SDR42E1: variants seen among roughly 807,000 people sequenced by gnomAD.
The protein encoded by SDR42E1 is short-chain dehydrogenase/reductase family 42E member 1.
A neutral mutation model predicts 2.6 loss-of-function variants in SDR42E1; 5 were observed. That is an observed-to-expected ratio of 1.94 (90% CI 1.01 to 4.08). SDR42E1 has a LOEUF of 4.08. Ranked by LOEUF, SDR42E1 falls within the 30% of genes most tolerant of loss-of-function variation. The probability of loss-of-function intolerance (pLI) is 0.00; values close to 1 mark genes in which losing one functional copy is unlikely to be tolerated. For missense variants in SDR42E1, 596 were observed against 478.6 expected (o/e 1.25, Z -2.29); for synonymous variants, 231 against 188.3 (o/e 1.23, Z -1.86).
At chr16:82,003,970 G>A (rs1395113964) in intron 1 of SDR42E1, among the ~76,000 whole-genome samples, 6 of 152,270 alleles carry the variant, frequency 3.9e-5, no homozygotes, top group African/African-American at 1.4e-4. Flanking sequence ...GTGTCTAAGA[G>A]CTGCTGTTCT....
At chr16:82,009,254 A>C (rs774299394) in intron 1 of SDR42E1, among the ~76,000 whole-genome samples, 3 of 152,238 alleles carry the variant, frequency 2.0e-5, no homozygotes, top group African/African-American at 2.4e-5. Context: ...CCACTGGGAC[A>C]CTGCCTAGTG....
Position 81,998,239 on chromosome 16 carries a change from C to A in SDR42E1, c.*872G>T, listed in dbSNP as rs954078384. The A allele has an allele frequency of 2.6e-5, 4 of 152,190 alleles. No individual in the cohort carries two copies. Among genetic ancestry groups the A allele is most frequent in the African/African-American group, 4.8e-5 (2 of 41,442 alleles). 9.4% of individuals were successfully genotyped at this position (152,190 alleles called of 1,614,324 possible). A position where few individuals can be genotyped will look rare whatever the true frequency, so the allele number is the denominator to read the frequency against. ...AAAAATGGCATCAGCTTGATTGACTCCCTTAATCATCAGATTTTTAGTTGC... is the reference window on the plus strand; with the variant it reads ...AAAAATGGCATCAGCTTGATTGACTACCTTAATCATCAGATTTTTAGTTGC... On this transcript the variant is annotated 3_prime_UTR_variant, in exon 3 of 3. Coordinates refer to ENST00000328945, the MANE Select transcript of SDR42E1 (RefSeq NM_145168.3).
chr16:81,999,386 G>A lies in SDR42E1; in HGVS notation c.907C>T (p.Arg303Ter), dbSNP rs750274603. The A allele has an allele frequency of 6.2e-6, 10 of 1,614,170 alleles. No individual in the cohort carries two copies. The highest frequency in any genetic ancestry group is 1.6e-4 in the Middle Eastern group (1 of 6,062). ...LTEMVHFILG[R>*]LYNFQPFLTR... ...AGGAAGGGCTGGAAGTTGTAGAGTC[G>A]ACCCAAAATGAAGTGAACCATCTCT... Residue 303 changes from arginine (R) to a stop codon, truncating the protein, a stop_gained, in exon 3 of 3, where the codon CGA becomes TGA. Transcript: ENST00000328945. LOFTEE classifies it low-confidence loss of function (END_TRUNC).
Position 81,999,180 on chromosome 16 carries a change from C to T in SDR42E1, c.1113G>A (p.Gly371=), listed in dbSNP as rs1451852091. 10 of 1,614,198 alleles carry T rather than the reference C, an allele frequency of 6.2e-6. No homozygotes were observed. The highest frequency in any genetic ancestry group is 8.5e-6 in the Non-Finnish European group (10 of 1,180,036). ...SRDSECFVWD[G]LLVFLLIIAV... is the part of the protein sequence containing the mutation. ...CTATAATCAGGAGGAAGACCAATAG[C>T]CCATCCCAAACAAAACACTCCGAGT... The change falls in exon 3 of 3, where the codon GGG becomes GGA. Residue 371 remains glycine, a synonymous_variant. Transcript: ENST00000328945.
chr16:81,989,645 T>A lies in SDR42E1; in HGVS notation c.*9466A>T, dbSNP rs553834473. 3 of 152,326 alleles carry A rather than the reference T, an allele frequency of 2.0e-5. No homozygotes were observed. In the East Asian group the frequency reaches 5.8e-4, roughly 29 times the overall value. 9.4% of individuals were successfully genotyped at this position (152,326 alleles called of 1,614,324 possible). A position where few individuals can be genotyped will look rare whatever the true frequency, so the allele number is the denominator to read the frequency against. ...CTACTTGTTCTCTAGCATGGTGTAA[T>A]TGACTCTGCAATCTCAAGAAAAGAA... is the stretch of plus-strand genomic sequence containing the variant. On this transcript the variant is annotated 3_prime_UTR_variant, in exon 3 of 3. Transcript: ENST00000328945.
In SDR42E1 at chr16:81,997,586, C is replaced by G. The variant is rs1912571982; in HGVS notation, c.*1525G>C. ...CGTTAACCCCAGGCTAATGCAAAAG[C>G]TTCTTTATGACAGAAAAGACTCCAA... is the stretch of plus-strand genomic sequence containing the variant. On this transcript the variant is annotated 3_prime_UTR_variant, in exon 3 of 3. Coordinates refer to ENST00000328945, the MANE Select transcript of SDR42E1 (RefSeq NM_145168.3). 2 of 152,198 alleles carry G rather than the reference C, an allele frequency of 1.3e-5. No homozygotes were observed. Among genetic ancestry groups the G allele is most frequent in the South Asian group, 4.1e-4 (2 of 4,832 alleles). 9.4% of individuals were successfully genotyped at this position (152,198 alleles called of 1,614,324 possible). A position where few individuals can be genotyped will look rare whatever the true frequency, so the allele number is the denominator to read the frequency against.
Position 81,999,543 on chromosome 16 carries a change from C to T in SDR42E1, c.750G>A (p.Gln250=), listed in dbSNP as rs572262577. The part of the protein sequence containing the change: ...RADKGHIASG[Q]PYFISDGRPV... ...GTCTGCCATCTGAGATGAAGTAGGG[C>T]TGCCCAGAGGCAATATGGCCCTTGT... The change falls in exon 3 of 3, where the codon CAG becomes CAA. Residue 250 remains glutamine, a synonymous_variant. Coordinates refer to ENST00000328945, the MANE Select transcript of SDR42E1 (RefSeq NM_145168.3). 4.3e-5 allele frequency: 70 copies of T among 1,614,162 alleles called. No individual in the cohort carries two copies. In the East Asian group the frequency reaches 1.4e-3, roughly 33 times the overall value.
chr16:81,991,737 G>C lies in SDR42E1; in HGVS notation c.*7374C>G, dbSNP rs1912433255. On this transcript the variant is annotated 3_prime_UTR_variant, in exon 3 of 3. Coordinates refer to ENST00000328945, the MANE Select transcript of SDR42E1 (RefSeq NM_145168.3). ...AAAAAAAAAAAAAAATTTGGTCTTG[G>C]ATTCAAGTAAACCTGGCTCAAATTT... is the stretch of plus-strand genomic sequence containing the variant. 6.6e-6 allele frequency: 1 copy of C among 151,634 alleles called. No individual in the cohort carries two copies. The highest frequency in any genetic ancestry group is 6.6e-5 in the Admixed American group (1 of 15,208). The allele number at this position is 151,634 out of a possible 1,614,324, so 9.4% of individuals were successfully genotyped here.
intron 1 of SDR42E1, among the ~76,000 whole-genome samples, chr16:82,008,987 G>A (rs772594675): frequency 1.2e-4 from 18 of 152,170 alleles, no homozygotes; most frequent in Non-Finnish European, 2.4e-4. Context: ...TGGCTAAAAC[G>A]GGCCAAGGTA....
chr16:82,006,188 AT>A (rs1190773375), intron 1 of SDR42E1, among the ~76,000 whole-genome samples: 1 of 151,908 alleles, frequency 6.6e-6, no homozygotes, highest in Non-Finnish European at 1.5e-5. Context: ...TACCATAAAA[AT>A]AAAAAAACTG....
At chr16:82,001,881 G>A (rs1187156647) in intron 1 of SDR42E1, among the ~76,000 whole-genome samples, 2 of 140,414 alleles carry the variant, frequency 1.4e-5, no homozygotes, top group East Asian at 2.1e-4. Flanking sequence ...TAGCCTGGGC[G>A]ACAGAGCAAG....
At position 81,993,209 on chromosome 16, in the gene SDR42E1, T is replaced by C. The variant is rs1170842564; in HGVS notation, c.*5902A>G. The C allele has an allele frequency of 6.6e-6, 1 of 152,128 alleles. No individual in the cohort carries two copies. Among genetic ancestry groups the C allele is most frequent in the African/African-American group, 2.4e-5 (1 of 41,418 alleles). The allele number at this position is 152,128 out of a possible 1,614,324, so 9.4% of individuals were successfully genotyped here. The stretch of plus-strand genomic sequence containing the variant: ...GCAAAGTTGTACTGAGCACCTGCTG[T>C]AGCAAAGCACTGCAAAGGGAAGAGC... On this transcript the variant is annotated 3_prime_UTR_variant, in exon 3 of 3. Transcript: ENST00000328945.
chr16:82,001,677 C>T (rs1275713094), intron 1 of SDR42E1, among the ~76,000 whole-genome samples: 1 of 151,906 alleles, frequency 6.6e-6, no homozygotes, highest in Non-Finnish European at 1.5e-5. Context: ...CCGAGGCAGG[C>T]GGATCATGAG....
Position 81,995,394 on chromosome 16 carries a change from G to A in SDR42E1, c.*3717C>T, listed in dbSNP as rs1242812693. The A allele has an allele frequency of 6.6e-6, 1 of 152,234 alleles. No homozygotes were observed. Among genetic ancestry groups the A allele is most frequent in the Non-Finnish European group, 1.5e-5 (1 of 68,052 alleles). 9.4% of individuals were successfully genotyped at this position (152,234 alleles called of 1,614,324 possible). A position where few individuals can be genotyped will look rare whatever the true frequency, so the allele number is the denominator to read the frequency against. On this transcript the variant is annotated 3_prime_UTR_variant, in exon 3 of 3. Coordinates refer to ENST00000328945, the MANE Select transcript of SDR42E1 (RefSeq NM_145168.3). ...GAATTTCTTAACTGCAGCGTCTCCT[G>A]ACCATAGAAAGGAAGGGGAGCTCCC... is the stretch of plus-strand genomic sequence containing the variant.
chr16:82,007,157 G>A (rs1363306565), intron 1 of SDR42E1, among the ~76,000 whole-genome samples: 5 of 152,226 alleles, frequency 3.3e-5, no homozygotes, highest in Non-Finnish European at 5.9e-5. Context: ...TAGGGACAAG[G>A]AATATCTAGC....
At chr16:82,001,846 G>C (rs958713436) in intron 1 of SDR42E1, among the ~76,000 whole-genome samples, 1 of 149,764 alleles carries the variant, frequency 6.7e-6, no homozygotes. Context: ...AGCTGGCAAT[G>C]AGCGAAGATC....
rs185929439 is a variant in SDR42E1 at position 81,994,858 on chromosome 16, G to A, written c.*4253C>T. 6.6e-6 allele frequency: 1 copy of A among 152,210 alleles called. No individual in the cohort carries two copies. The highest frequency in any genetic ancestry group is 1.5e-5 in the Non-Finnish European group (1 of 68,030). 9.4% of individuals were successfully genotyped at this position (152,210 alleles called of 1,614,324 possible). A position where few individuals can be genotyped will look rare whatever the true frequency, so the allele number is the denominator to read the frequency against. On this transcript the variant is annotated 3_prime_UTR_variant, in exon 3 of 3. Transcript: ENST00000328945. ...CTTGCCTCTTTTATACACCATGTTA[G>A]ATGGTTGAGGAAAATAAAACATTTT...
chr16:82,000,167 G>T lies in SDR42E1; in HGVS notation c.126C>A (p.Ser42Arg), dbSNP rs777088226. ...TTCCTTCTGGAATGGTTTGAGCAGG[G>T]CTGCTGATGTCAAACAGAATCACAT... ...GVHVILFDIS[S>R]PAQTIPEGIK... Residue 42 changes from serine to arginine, a missense_variant, in exon 3 of 3, where the codon AGC becomes AGA. Coordinates refer to ENST00000328945, the MANE Select transcript of SDR42E1 (RefSeq NM_145168.3). 7 of 1,612,566 alleles carry T rather than the reference G, an allele frequency of 4.3e-6. No homozygotes were observed. The African/African-American group carries it at 9.3e-5, about 22-fold the overall frequency.
chr16:82,002,083 C>T (rs894727195), intron 1 of SDR42E1, among the ~76,000 whole-genome samples: 2 of 151,988 alleles, frequency 1.3e-5, no homozygotes, highest in South Asian at 4.1e-4. Flanking sequence ...TTCTCTTTCC[C>T]AGCCAGGCAC....
Sources: gnomAD v4.1 joint callset for allele counts (sites outside exome capture counted in the v4.1 genomes callset) on GRCh38, gnomAD v4.1.1 for gene constraint, MANE v1.5 for transcripts, NCBI Gene and HGNC (gene_info 2026-07-23, HGNC 2026-07-21) for gene names.